The following SIPA1L1 variants were observed in gnomAD, a reference collection of about 807,000 sequenced individuals.
The protein encoded by SIPA1L1 is signal-induced proliferation-associated 1-like protein 1.
A neutral mutation model predicts 162.7 loss-of-function variants in SIPA1L1; 26 were observed. The observed-to-expected ratio is 0.16, with a 90% CI of 0.12 to 0.22. SIPA1L1 has a LOEUF of 0.22. Ranked by LOEUF, SIPA1L1 falls within the 10% of genes least tolerant of loss-of-function variation. The pLI is 1.00. For synonymous variants in SIPA1L1, 829 were observed against 837.4 expected (o/e 0.99, Z 0.17); for missense variants, 1,874 against 2,241.0 (o/e 0.84, Z 3.31).
intron 2 of SIPA1L1, among the ~76,000 whole-genome samples, chr14:71,412,956 C>G (rs922517732): frequency 2.6e-5 from 4 of 152,248 alleles, no homozygotes; most frequent in Non-Finnish European, 4.4e-5. Context: ...AGTAGGTGAT[C>G]TGAAATGAGC....
At chr14:71,379,470 A>G (rs1416774537) in intron 2 of SIPA1L1, 1 of 150,570 alleles carries the variant, frequency 6.6e-6, no homozygotes, top group Admixed American at 6.6e-5. Flanking sequence ...TGCCTGGCTA[A>G]TTAATTTTTT....
At chr14:71,691,185 C>T (rs1566661955) in intron 13 of SIPA1L1, among the ~76,000 whole-genome samples, 1 of 152,196 alleles carries the variant, frequency 6.6e-6, no homozygotes, top group Non-Finnish European at 1.5e-5. Context: ...ACCAGCCTCC[C>T]ACTGGAAGGA....
At chr14:71,333,314 C>G (rs1457797939) in intron 2 of SIPA1L1, among the ~76,000 whole-genome samples, 2 of 152,174 alleles carry the variant, frequency 1.3e-5, no homozygotes, top group East Asian at 3.8e-4. Flanking sequence ...AACAGTCACA[C>G]TGAAGATCTG....
intron 5 of SIPA1L1, among the ~76,000 whole-genome samples, chr14:71,611,437 C>T (rs775218674): frequency 1.3e-5 from 2 of 151,908 alleles, no homozygotes; most frequent in Non-Finnish European, 2.9e-5. Context: ...GATACATGTG[C>T]AGGACGTGCA....
At chr14:71,364,663 C>G (rs2038114886) in intron 2 of SIPA1L1, among the ~76,000 whole-genome samples, 1 of 152,072 alleles carries the variant, frequency 6.6e-6, no homozygotes, top group African/African-American at 2.4e-5. Flanking sequence ...TAATTATGAC[C>G]TTGCAGACTC....
chr14:71,647,676 A>G lies in SIPA1L1; in HGVS notation c.1819-2659A>G, dbSNP rs776222197. Among the ~76,000 whole-genome samples, 5 of 152,162 alleles carry G rather than the reference A, an allele frequency of 3.3e-5. No homozygotes were observed. The South Asian group carries it at 6.2e-4, about 19-fold the overall frequency. On this transcript the variant is annotated intron_variant, in intron 7 of 23. Coordinates refer to ENST00000381232, the MANE Select transcript of SIPA1L1 (RefSeq NM_001386936.1). The stretch of plus-strand genomic sequence containing the variant: ...GAGTCAGGTAATGTTCAGCCCTGGA[A>G]TCTGGCTGTATTAAGGACTTCTTTT...
At chr14:71,713,725 C>G (rs993122643) in intron 17 of SIPA1L1, among the ~76,000 whole-genome samples, 2 of 152,218 alleles carry the variant, frequency 1.3e-5, no homozygotes, top group African/African-American at 2.4e-5. Context: ...CTCTGGCACA[C>G]TGGGCTGTCT....
intron 2 of SIPA1L1, among the ~76,000 whole-genome samples, chr14:71,367,471 T>G (rs2038429314): frequency 6.6e-6 from 1 of 151,540 alleles, no homozygotes; most frequent in African/African-American, 2.4e-5. Flanking sequence ...CGCGCCCGGC[T>G]AATTTTTTTG....
intron 5 of SIPA1L1, among the ~76,000 whole-genome samples, chr14:71,603,533 ACTGC>A (rs1567291585): frequency 1.6e-4 from 24 of 152,054 alleles, no homozygotes; most frequent in Non-Finnish European, 3.5e-4. Context: ...ATCATGGCCT[ACTGC>A]AGCCTTGAAC....
chr14:71,634,691 C>CT (rs544888455), intron 7 of SIPA1L1, among the ~76,000 whole-genome samples: 164 of 152,194 alleles, frequency 1.1e-3, no homozygotes, highest in African/African-American at 3.8e-3. Flanking sequence ...AATCCCAGCA[C>CT]TTTGGGAGGC....
At chr14:71,559,616 A>G (rs1425442197) in intron 4 of SIPA1L1, among the ~76,000 whole-genome samples, 2 of 152,206 alleles carry the variant, frequency 1.3e-5, no homozygotes, top group African/African-American at 4.8e-5. Context: ...GTATAGAGTA[A>G]TAAAAAGAAC....
At chr14:71,548,885 CAAAAA>C (rs774158181) in intron 4 of SIPA1L1, among the ~76,000 whole-genome samples, 2 of 65,386 alleles carry the variant, frequency 3.1e-5, no homozygotes, top group African/African-American at 5.5e-5. Flanking sequence ...AGACTGTCTC[CAAAAA>C]AAAAAAAAAA....
At chr14:71,340,563 C>T (rs991119543) in intron 2 of SIPA1L1, among the ~76,000 whole-genome samples, 11 of 152,090 alleles carry the variant, frequency 7.2e-5, no homozygotes, top group African/African-American at 2.7e-4. Context: ...CCTAGCTTTC[C>T]GATGCTCCCC....
rs536541086 is a variant in SIPA1L1, at chr14:71,548,770, C to T, written c.-303+19400C>T. 7.3e-5 allele frequency among the ~76,000 whole-genome samples: 11 copies of T among 151,312 alleles called. No individual in the cohort carries two copies. The South Asian group carries it at 1.5e-3, about 20-fold the overall frequency. On this transcript the variant is annotated intron_variant, in intron 4 of 23. Coordinates refer to ENST00000381232, the MANE Select transcript of SIPA1L1 (RefSeq NM_001386936.1). ...CAACCAGCTGAGCGCAGGTGGCACA[C>T]GACAGTAGTCCCAACTGCTTTGGAG...
intron 2 of SIPA1L1, among the ~76,000 whole-genome samples, chr14:71,361,987 A>G (rs2037856860): frequency 6.6e-6 from 1 of 152,246 alleles, no homozygotes; most frequent in Non-Finnish European, 1.5e-5. Flanking sequence ...GGACACGCAG[A>G]CATACCCTAC....
chr14:71,609,156 C>A (rs1177659522), intron 5 of SIPA1L1, among the ~76,000 whole-genome samples: 2 of 151,972 alleles, frequency 1.3e-5, no homozygotes, highest in African/African-American at 4.8e-5. Context: ...TTTTCCAATT[C>A]TTGTTATAAT....
At chr14:71,587,088 A>G (rs1275166134) in intron 4 of SIPA1L1, among the ~76,000 whole-genome samples, 2 of 152,204 alleles carry the variant, frequency 1.3e-5, no homozygotes, top group African/African-American at 4.8e-5. Context: ...GGAATAGAGG[A>G]GTTAAAAAGT....
chr14:71,503,979 A>G (rs1281960026), intron 2 of SIPA1L1: 4 of 151,812 alleles, frequency 2.6e-5, no homozygotes, highest in African/African-American at 9.7e-5. Context: ...ACTTTTCTGT[A>G]TTTTTTGTAG....
intron 2 of SIPA1L1, among the ~76,000 whole-genome samples, chr14:71,441,292 T>C (rs1192208762): frequency 1.3e-5 from 2 of 152,212 alleles, no homozygotes; most frequent in African/African-American, 4.8e-5. Flanking sequence ...AGATTTTCCC[T>C]TGGAGCATAG....
Sources: allele counts gnomAD v4.1 joint callset (sites outside exome capture counted in the v4.1 genomes callset), GRCh38; gene constraint gnomAD v4.1.1; transcripts MANE v1.5; gene names NCBI Gene and HGNC (gene_info 2026-07-23, HGNC 2026-07-21).